ZNF248: variants seen among roughly 807,000 people sequenced by gnomAD.
ZNF248 encodes KRAB protein domain.
A neutral mutation model predicts 44.3 loss-of-function variants in ZNF248; 20 were observed. That is an observed-to-expected ratio of 0.45 (90% CI 0.32 to 0.66). The LOEUF is 0.66. Among genes scored for constraint, ZNF248 ranks in the 30% least tolerant of loss-of-function variants. The pLI, the probability that ZNF248 is intolerant of heterozygous loss-of-function variation, is 0.04. For synonymous variants in ZNF248, 224 were observed against 229.0 expected (o/e 0.98, Z 0.20); for missense variants, 654 against 677.0 (o/e 0.97, Z 0.38).
At chr10:37,812,154 T>C (rs1047516864) in intron 6 of ZNF248, among the ~76,000 whole-genome samples, 1 of 151,930 alleles carries the variant, frequency 6.6e-6, no homozygotes, top group African/African-American at 2.4e-5. Context: ...AGAGGATCGA[T>C]TGATCCCAGG....
intron 3 of ZNF248, among the ~76,000 whole-genome samples, chr10:37,850,997 A>T (rs935530122): frequency 2.0e-5 from 3 of 152,224 alleles, no homozygotes; most frequent in African/African-American, 4.8e-5. Context: ...AAACACCCTG[A>T]AAAGATAAGC....
chr10:37,856,357 G>T lies in ZNF248; in HGVS notation c.-27-20C>A. 1 of 1,612,928 alleles carries T rather than the reference G, an allele frequency of 6.2e-7. No homozygotes were observed. ...GGAGAGCTGAAGGATTAGAAAGGAA[G>T]AATGTCAGGAGAGCCTTCGCCGGCC... is the stretch of plus-strand genomic sequence containing the variant. On this transcript the variant is annotated intron_variant, in intron 2 of 5. Transcript: ENST00000395867.
chr10:37,779,067 C>A (rs1348975927), intron 6 of ZNF248, among the ~76,000 whole-genome samples: 3 of 152,094 alleles, frequency 2.0e-5, no homozygotes, highest in Non-Finnish European at 4.4e-5. Context: ...GGATTCACAG[C>A]CAAATTCTAC....
chr10:37,761,874 G>A, the ZNF248 span, among the ~76,000 whole-genome samples: 32 of 152,156 alleles, frequency 2.1e-4, no homozygotes, highest in Admixed American at 2.1e-3. Flanking sequence ...AAGCTTCAAG[G>A]TTGGTTAATT....
intron 3 of ZNF248, among the ~76,000 whole-genome samples, chr10:37,845,213 G>A (rs1275895432): frequency 1.3e-5 from 2 of 151,688 alleles, no homozygotes; most frequent in East Asian, 3.9e-4. Context: ...GTAGAGACAG[G>A]GTTTTGCCAT....
chr10:37,849,753 C>T (rs1000077409), intron 3 of ZNF248, among the ~76,000 whole-genome samples: 1 of 151,698 alleles, frequency 6.6e-6, no homozygotes, highest in Non-Finnish European at 1.5e-5. Flanking sequence ...GAAGACAGTA[C>T]AAAAGAGAAA....
In ZNF248 at chr10:37,837,631, C is replaced by T. The variant is rs1323795778; in HGVS notation, c.224G>A (p.Ser75Asn). ...EPWILEKGFP[S>N]QCHPERKWKV... Reference sequence around the variant, plus strand: ...CACTAACTCACCTGGGTGGCACTGGCTTGGGAATCCTTTTTCTAATATCCA... The same window carrying T: ...CACTAACTCACCTGGGTGGCACTGGTTTGGGAATCCTTTTTCTAATATCCA... The change falls in exon 5 of 6, where the codon AGC (serine) becomes AAC (asparagine). Residue 75 changes from serine to asparagine, a missense_variant. Ser to Asn is a conservative substitution (Grantham distance 46). Coordinates refer to ENST00000395867, the MANE Select transcript of ZNF248 (RefSeq NM_021045.3). 3.1e-6 allele frequency: 5 copies of T among 1,613,902 alleles called. No homozygotes were observed. The highest frequency in any genetic ancestry group is 2.7e-5 in the African/African-American group (2 of 74,932).
chr10:37,852,568 T>A (rs926535707), intron 3 of ZNF248, among the ~76,000 whole-genome samples: 2 of 150,314 alleles, frequency 1.3e-5, no homozygotes, highest in Non-Finnish European at 3.0e-5. Context: ...AGCTATTCTG[T>A]AGTGGATAAA....
intron 1 of ZNF248, 118 bp from the exon 2 acceptor site, chr10:37,856,650 G>A (rs2061344991): frequency 2.9e-6 from 3 of 1,033,376 alleles, no homozygotes; most frequent in Middle Eastern, 4.5e-4. Context: ...AAAAACTGAG[G>A]CCATATTGTT....
chr10:37,760,820 G>A, the ZNF248 span, among the ~76,000 whole-genome samples: 4 of 152,138 alleles, frequency 2.6e-5, no homozygotes, highest in African/African-American at 4.8e-5. Context: ...GGATGACAGA[G>A]CAAGACTCTG....
chr10:37,784,804 C>G (rs2047694463), intron 6 of ZNF248, among the ~76,000 whole-genome samples: 2 of 152,132 alleles, frequency 1.3e-5, no homozygotes, highest in Admixed American at 1.3e-4. Flanking sequence ...GAGGCAAGTA[C>G]TCTGCTTACC....
At chr10:37,773,988 T>TACACACACACACACACACACACACACAC (rs139568981), downstream of ZNF248, among the ~76,000 whole-genome samples, 1 of 149,166 alleles carries the variant, frequency 6.7e-6, no homozygotes, top group South Asian at 2.1e-4. Flanking sequence ...TGAAAATGAA[T>TACACACACACACACACACACACACACAC]ACACACACAC....
chr10:37,786,457 A>G lies in ZNF248; in HGVS notation c.331-9882T>C, dbSNP rs186759480. 8.8e-4 allele frequency among the ~76,000 whole-genome samples: 134 copies of G among 152,304 alleles called. 1 individual carries two copies. The highest frequency in any genetic ancestry group is 3.2e-3 in the African/African-American group (132 of 41,570). On this transcript the variant is annotated intron_variant, in intron 6 of 6. Transcript: ENST00000615949. The stretch of plus-strand genomic sequence containing the variant: ...ACAACATCAGCTCCAATAGCCTACT[A>G]TTTAGTTCCAAGACAACCCAGTAAA...
downstream of ZNF248, among the ~76,000 whole-genome samples, chr10:37,826,591 T>G (rs1032755907): frequency 6.6e-6 from 1 of 152,194 alleles, no homozygotes; most frequent in Non-Finnish European, 1.5e-5. Context: ...TTTTTAACTG[T>G]AATAATGTCA....
At chr10:37,770,764 T>G in the ZNF248 span, among the ~76,000 whole-genome samples, 1 of 151,826 alleles carries the variant, frequency 6.6e-6, no homozygotes, top group African/African-American at 2.4e-5. Context: ...AAGACAAAAT[T>G]GACAAATGGG....
chr10:37,804,910 C>G (rs776546196), intron 6 of ZNF248, among the ~76,000 whole-genome samples: 1 of 151,938 alleles, frequency 6.6e-6, no homozygotes, highest in Non-Finnish European at 1.5e-5. Context: ...ATTATTTATA[C>G]TTTATTTTGT....
intron 3 of ZNF248, among the ~76,000 whole-genome samples, chr10:37,846,600 TGAGCCAA>T (rs2059356900): frequency 1.3e-5 from 2 of 152,166 alleles, no homozygotes; most frequent in Admixed American, 1.3e-4. Flanking sequence ...GAGCCATGAC[TGAGCCAA>T]TGCACTCCAG....
chr10:37,783,365 C>T (rs1422498575), intron 6 of ZNF248, among the ~76,000 whole-genome samples: 1 of 152,022 alleles, frequency 6.6e-6, no homozygotes, highest in Admixed American at 6.6e-5. Context: ...CACAAATTAC[C>T]TCAAAATGGA....
rs374283911 is a variant in ZNF248, at chr10:37,831,977, C to A, written c.1378G>T (p.Gly460Trp). The change falls in exon 6 of 6, where the codon GGG becomes TGG. Residue 460 changes from glycine to tryptophan, a missense_variant. Physicochemically the swap from Gly to Trp is radical, Grantham distance 184. Coordinates refer to ENST00000395867, the MANE Select transcript of ZNF248 (RefSeq NM_021045.3). Reference sequence around the variant, plus strand: ...GCATTACATTCATAGGGCTTCTCCCCTGTGTGTGTTCTCTGATGTTCAGTG... The same window carrying A: ...GCATTACATTCATAGGGCTTCTCCCATGTGTGTGTTCTCTGATGTTCAGTG... The part of the protein sequence containing the change: ...NLTEHQRTHT[G>W]EKPYECNACG... 6.2e-7 allele frequency: 1 copy of A among 1,614,098 alleles called. No individual in the cohort carries two copies. The highest frequency in any genetic ancestry group is 2.2e-5 in the East Asian group (1 of 44,888).
Sources: allele counts gnomAD v4.1 joint callset (sites outside exome capture counted in the v4.1 genomes callset), GRCh38; gene constraint gnomAD v4.1.1; transcripts MANE v1.5; gene names NCBI Gene and HGNC (gene_info 2026-07-23, HGNC 2026-07-21).